The following MARCHF6 variants were observed in gnomAD, a reference collection of about 807,000 sequenced individuals.
MARCHF6 encodes E3 ubiquitin-protein ligase MARCHF6.
A neutral mutation model predicts 133.7 loss-of-function variants in MARCHF6; 31 were observed. That is an observed-to-expected ratio of 0.23 (90% CI 0.17 to 0.31). The LOEUF (loss-of-function observed/expected upper bound fraction) is 0.31. MARCHF6 is among the 10% of genes least tolerant of loss of function. The pLI is 1.00. For missense variants in MARCHF6, 723 were observed against 1,121.6 expected (o/e 0.64, Z 5.08); for synonymous variants, 395 against 402.5 (o/e 0.98, Z 0.22).
intron 16 of MARCHF6, among the ~76,000 whole-genome samples, chr5:10,406,231 A>G (rs984235279): frequency 3.3e-5 from 5 of 152,200 alleles, no homozygotes; most frequent in African/African-American, 1.2e-4. Context: ...GTTGGGGACC[A>G]CTGGTATGAT....
chr5:10,400,984 T>C lies in MARCHF6; in HGVS notation c.972+142T>C. The C allele has an allele frequency of 4.7e-6, 3 of 632,076 alleles. No homozygotes were observed. In the South Asian group the frequency reaches 6.6e-5, roughly 14 times the overall value. 39.2% of individuals were successfully genotyped at this position (632,076 alleles called of 1,614,324 possible). A position where few individuals can be genotyped will look rare whatever the true frequency, so the allele number is the denominator to read the frequency against. ...GTTAGGCAATACCGTCTCATTCTTT[T>C]TTAAAAAAAATAACAGTGGCTCAAG... On this transcript the variant is annotated intron_variant, in intron 11 of 25. Coordinates refer to ENST00000274140, the MANE Select transcript of MARCHF6 (RefSeq NM_005885.4).
intron 24 of MARCHF6, among the ~76,000 whole-genome samples, chr5:10,429,681 G>A (rs1038079475): frequency 1.3e-5 from 2 of 152,128 alleles, no homozygotes; most frequent in African/African-American, 2.4e-5. Context: ...GATTACAGGC[G>A]CGAGCTACTA....
At chr5:10,355,489 C>T (rs1735397502) in intron 1 of MARCHF6, among the ~76,000 whole-genome samples, 2 of 152,156 alleles carry the variant, frequency 1.3e-5, no homozygotes, top group Admixed American at 1.3e-4. Context: ...TCAGGAATTG[C>T]GCTCGAAGCA....
At chr5:10,425,328 G>A (rs1266402219) in intron 23 of MARCHF6, among the ~76,000 whole-genome samples, 1 of 152,192 alleles carries the variant, frequency 6.6e-6, no homozygotes, top group Non-Finnish European at 1.5e-5. Flanking sequence ...GTGCAGGCCA[G>A]TACACTCTAG....
chr5:10,405,710 G>A, intron 16 of MARCHF6, 33 bp downstream of exon 16: 1 of 1,478,110 alleles, frequency 6.8e-7, no homozygotes, highest in Non-Finnish European at 9.1e-7. Context: ...TTTTTTTTTT[G>A]AATTAATTGT....
chr5:10,409,901 A>G (rs1023443553), intron 17 of MARCHF6, among the ~76,000 whole-genome samples: 2 of 152,180 alleles, frequency 1.3e-5, no homozygotes, highest in Non-Finnish European at 2.9e-5. Flanking sequence ...TAATATAGCA[A>G]GTGAGGAGAG....
At chr5:10,433,562 A>T in intron 25 of MARCHF6, 32 bp from the exon 26 acceptor site, 1 of 1,488,730 alleles carries the variant, frequency 6.7e-7, no homozygotes, top group Non-Finnish European at 9.4e-7. Flanking sequence ...ACATTCATAG[A>T]AGAGAGTAAC....
At chr5:10,423,521 TAGA>T (rs1439915264) in intron 22 of MARCHF6, among the ~76,000 whole-genome samples, 1 of 152,208 alleles carries the variant, frequency 6.6e-6, no homozygotes, top group Non-Finnish European at 1.5e-5. Context: ...TTTTAAAAGA[TAGA>T]AGAACAATTT....
chr5:10,405,117 G>C (rs1738799663), intron 15 of MARCHF6, among the ~76,000 whole-genome samples: 1 of 152,170 alleles, frequency 6.6e-6, no homozygotes, highest in African/African-American at 2.4e-5. Flanking sequence ...GGACCACATA[G>C]AACTAGTACC....
chr5:10,400,771 T>C lies in MARCHF6; in HGVS notation c.914-13T>C. The stretch of plus-strand genomic sequence containing the variant: ...ATGTCGGAGTTTTCATGGAATTTTT[T>C]CCCCCTTTTTAGCATTTTGCCCTTA... On this transcript the variant is annotated splice_polypyrimidine_tract_variant and intron_variant, in intron 10 of 25. Transcript: ENST00000274140. 1.2e-6 allele frequency: 2 copies of C among 1,606,578 alleles called. No individual in the cohort carries two copies. Among genetic ancestry groups the C allele is most frequent in the African/African-American group, 1.3e-5 (1 of 74,834 alleles).
Position 10,433,761 on chromosome 5 carries a change from A to G in MARCHF6, c.*77A>G. Reference sequence around the variant, plus strand: ...ACTTCTCTCTTTGGAGATTTTTCCCAGTGATCTCTCAGCGTTGTTTTTAAG... The same window carrying G: ...ACTTCTCTCTTTGGAGATTTTTCCCGGTGATCTCTCAGCGTTGTTTTTAAG... On this transcript the variant is annotated 3_prime_UTR_variant, in exon 26 of 26. Coordinates refer to ENST00000274140, the MANE Select transcript of MARCHF6 (RefSeq NM_005885.4). 1 of 1,191,664 alleles carries G rather than the reference A, an allele frequency of 8.4e-7. No individual in the cohort carries two copies. The highest frequency in any genetic ancestry group is 1.3e-6 in the Non-Finnish European group (1 of 798,594). 73.8% of individuals were successfully genotyped at this position (1,191,664 alleles called of 1,614,324 possible).
intron 15 of MARCHF6, 141 bp downstream of exon 15, chr5:10,403,682 T>C (rs1738689691): frequency 2.8e-6 from 2 of 716,766 alleles, no homozygotes; most frequent in East Asian, 3.0e-5. Context: ...GAATAACTTA[T>C]AGGGGACTTT....
chr5:10,431,251 A>T (rs1035348638), intron 25 of MARCHF6, among the ~76,000 whole-genome samples: 1 of 152,242 alleles, frequency 6.6e-6, no homozygotes, highest in African/African-American at 2.4e-5. Context: ...GGGTATTTTC[A>T]ATGATGAAAA....
chr5:10,390,560 C>G, intron 6 of MARCHF6, 60 bp downstream of exon 6: 2 of 1,457,676 alleles, frequency 1.4e-6, no homozygotes, highest in South Asian at 1.3e-5. Flanking sequence ...TATTGTTTCT[C>G]TCTGAGACTC....
intron 1 of MARCHF6, among the ~76,000 whole-genome samples, chr5:10,359,369 T>G (rs1213061711): frequency 6.6e-6 from 1 of 152,222 alleles, no homozygotes; most frequent in Non-Finnish European, 1.5e-5. Context: ...AATTTCCTTC[T>G]GATTTTCTTA....
intron 2 of MARCHF6, 86 bp from the exon 3 acceptor site, chr5:10,378,673 A>G: frequency 6.9e-6 from 6 of 871,968 alleles, no homozygotes; most frequent in Non-Finnish European, 1.1e-5. Context: ...TGATATATAC[A>G]TTTTTAATAA....
Position 10,433,730 on chromosome 5 carries a change from T to C in MARCHF6, c.*46T>C. 6.8e-7 allele frequency: 1 copy of C among 1,471,912 alleles called. No individual in the cohort carries two copies. The highest frequency in any genetic ancestry group is 2.3e-5 in the East Asian group (1 of 44,156). 91.2% of individuals were successfully genotyped at this position (1,471,912 alleles called of 1,614,324 possible). ...GACCTTCCCCTTTACATGTCCTTTT[T>C]TGTGGACTTCTCTCTTTGGAGATTT... On this transcript the variant is annotated 3_prime_UTR_variant, in exon 26 of 26. Coordinates refer to ENST00000274140, the MANE Select transcript of MARCHF6 (RefSeq NM_005885.4).
At position 10,390,197 on chromosome 5, in the gene MARCHF6, A is replaced by T. The variant is rs1359330751; in HGVS notation, c.408-135A>T. 8.6e-6 allele frequency: 6 copies of T among 694,440 alleles called. No individual in the cohort carries two copies. In the African/African-American group the frequency reaches 9.1e-5, roughly 11 times the overall value. 43.0% of individuals were successfully genotyped at this position (694,440 alleles called of 1,614,324 possible). ...TCTTTTGGAGAAACTTGAGATTTTC[A>T]TCCAAAAAATTATGATTTATTCTTC... is the stretch of plus-strand genomic sequence containing the variant. On this transcript the variant is annotated intron_variant, in intron 5 of 25. Transcript: ENST00000274140.
At chr5:10,399,213 G>A (rs1383951079) in intron 10 of MARCHF6, among the ~76,000 whole-genome samples, 1 of 152,072 alleles carries the variant, frequency 6.6e-6, no homozygotes, top group East Asian at 1.9e-4. Flanking sequence ...GGATATGAGA[G>A]CAAAATAGGC....
Sources: gnomAD v4.1 joint callset for allele counts (sites outside exome capture counted in the v4.1 genomes callset) on GRCh38, gnomAD v4.1.1 for gene constraint, MANE v1.5 for transcripts, NCBI Gene and HGNC (gene_info 2026-07-23, HGNC 2026-07-21) for gene names.